Variants in PPP1R3A observed in about 807,000 individuals in gnomAD.
PPP1R3A encodes RG1.
A neutral mutation model predicts 41.7 loss-of-function variants in PPP1R3A; 29 were observed. The ratio of observed to expected loss-of-function variants is 0.70; its 90% CI spans 0.52 to 0.95. The LOEUF (loss-of-function observed/expected upper bound fraction) is 0.95, where lower values mean the gene tolerates loss of function less well. PPP1R3A is among the 40% of genes least tolerant of loss of function. The probability of loss-of-function intolerance (pLI) is 0.00; values close to 1 mark genes in which losing one functional copy is unlikely to be tolerated. For synonymous variants in PPP1R3A, 485 were observed against 453.4 expected, an observed-to-expected ratio of 1.07 and a Z score of -0.89; for missense variants, 1,352 against 1,292.4, an observed-to-expected ratio of 1.05 and a Z score of -0.71.
At chr7:113,918,126 T>C (rs1282676420) in intron 1 of PPP1R3A, 89 bp downstream of exon 1, 7 of 1,287,428 alleles carry the variant, frequency 5.4e-6, no homozygotes, top group African/African-American at 1.5e-5. Context: ...TATTTTTAAA[T>C]AGAGTCACTT....
chr7:113,918,777 G>A lies in PPP1R3A; in HGVS notation c.220C>T (p.Leu74Phe), dbSNP rs771948958. The A allele has an allele frequency of 1.2e-6, 2 of 1,613,812 alleles. No homozygotes were observed. The highest frequency in any genetic ancestry group is 1.7e-5 in the Admixed American group (1 of 59,958). Residue 74 changes from leucine to phenylalanine, a missense_variant, in exon 1 of 4, where the codon CTT becomes TTT. Leu to Phe is a conservative substitution (Grantham distance 22, BLOSUM62 0). Coordinates refer to ENST00000284601, the MANE Select transcript of PPP1R3A (RefSeq NM_002711.4). ...CAATCAAATTCTTTAACAGACACAA[G>A]ATTGAATCCAAAGGAATCAGCAAAT... is the stretch of plus-strand genomic sequence containing the variant. The part of the protein sequence containing the change: ...VSFADSFGFN[L>F]VSVKEFDCWE...
intron 1 of PPP1R3A, among the ~76,000 whole-genome samples, chr7:113,893,122 T>G (rs1266988549): frequency 2.6e-5 from 4 of 151,948 alleles, no homozygotes; most frequent in Admixed American, 2.6e-4. Flanking sequence ...CCACTACCCA[T>G]CAACCCCTTC....
In PPP1R3A at chr7:113,918,372, T is replaced by C. The variant is rs146968684; in HGVS notation, c.625A>G (p.Ile209Val). The C allele has an allele frequency of 5.6e-6, 9 of 1,613,374 alleles. No individual in the cohort carries two copies. The African/African-American group carries it at 1.1e-4, about 19-fold the overall frequency. Reference sequence around the variant, plus strand: ...GTACCAACAGAAGTTTCATAACGTATACAAAACTCAACTTTACTGCCATCT... The same window carrying C: ...GTACCAACAGAAGTTTCATAACGTACACAAAACTCAACTTTACTGCCATCT... ...QKDGSKVEFCIRYETSVGTFW... is the reference protein window; with the variant it reads ...QKDGSKVEFCVRYETSVGTFW... Residue 209 changes from isoleucine to valine, a missense_variant, in exon 1 of 4, where the codon ATA (isoleucine) becomes GTA (valine). Coordinates refer to ENST00000284601, the MANE Select transcript of PPP1R3A (RefSeq NM_002711.4).
chr7:113,887,964 G>A (rs1456006813), intron 1 of PPP1R3A, among the ~76,000 whole-genome samples: 1 of 152,070 alleles, frequency 6.6e-6, no homozygotes, highest in Admixed American at 6.6e-5. Context: ...GGAGGAGGAG[G>A]TTGCAGTGAG....
chr7:113,908,160 C>T (rs1797175522), intron 1 of PPP1R3A, among the ~76,000 whole-genome samples: 1 of 151,676 alleles, frequency 6.6e-6, no homozygotes, highest in African/African-American at 2.4e-5. Context: ...CACATAATTG[C>T]CAATGTCTAA....
intron 1 of PPP1R3A, among the ~76,000 whole-genome samples, chr7:113,916,474 G>C (rs1201801472): frequency 6.6e-6 from 1 of 152,040 alleles, no homozygotes; most frequent in Non-Finnish European, 1.5e-5. Flanking sequence ...CTTGGTATCA[G>C]TCAAGTTTGG....
intron 1 of PPP1R3A, among the ~76,000 whole-genome samples, chr7:113,909,688 T>G (rs1007360925): frequency 1.3e-5 from 2 of 152,066 alleles, no homozygotes; most frequent in African/African-American, 2.4e-5. Context: ...AAAACAAAGT[T>G]ATTGAGGTTA....
At chr7:113,895,445 T>C (rs1415832698) in intron 1 of PPP1R3A, among the ~76,000 whole-genome samples, 1 of 151,984 alleles carries the variant, frequency 6.6e-6, no homozygotes, top group Non-Finnish European at 1.5e-5. Context: ...GAATATCTTA[T>C]TTAAATATTA....
In PPP1R3A at chr7:113,879,069, G is replaced by A. The variant is rs761994005; in HGVS notation, c.2023C>T (p.His675Tyr). 1.2e-6 allele frequency: 2 copies of A among 1,613,606 alleles called. No homozygotes were observed. Among genetic ancestry groups the A allele is most frequent in the Non-Finnish European group, 8.5e-7 (1 of 1,179,748 alleles). ...TCACAATCTGTTTGTCCTTTGATAT[G>A]CTCTGTTATGTTTGTCTTATTCTCT... ...SRENKTNITE[H>Y]IKGQTDCEDV... is the part of the protein sequence containing the mutation. Residue 675 changes from histidine (H) to tyrosine (Y), a missense_variant, in exon 4 of 4, where the codon CAT (histidine) becomes TAT (tyrosine). Coordinates refer to ENST00000284601, the MANE Select transcript of PPP1R3A (RefSeq NM_002711.4).
In PPP1R3A at chr7:113,880,013, TG is replaced by T; in HGVS notation, c.1078del (p.Gln360LysfsTer25). 2 of 1,612,616 alleles carry T rather than the reference TG, an allele frequency of 1.2e-6. No individual in the cohort carries two copies. Among genetic ancestry groups the T allele is most frequent in the Non-Finnish European group, 1.7e-6 (2 of 1,178,872 alleles). On this transcript the variant is annotated frameshift_variant, in exon 4 of 4. Transcript: ENST00000284601. LOFTEE classifies it low-confidence loss of function (END_TRUNC). ...PNKAEGLEKK[Q>X]IHGEICTDLF... ...GTCAGTACATATTTCACCATGGATT[TG>T]CTTCTTCTCTAACCCCTCTGCTTTA...
At position 113,918,790 on chromosome 7, in the gene PPP1R3A, G is replaced by T; in HGVS notation, c.207C>A (p.Ser69=). ...SGTRRVSFAD[S]FGFNLVSVKE... ...TAACAGACACAAGATTGAATCCAAAGGAATCAGCAAATGAAACTCTTCTAG... is the reference window on the plus strand; with the variant it reads ...TAACAGACACAAGATTGAATCCAAATGAATCAGCAAATGAAACTCTTCTAG... The change falls in exon 1 of 4, where the codon TCC becomes TCA. Residue 69 remains serine, a synonymous_variant. Transcript: ENST00000284601. The T allele has an allele frequency of 3.1e-6, 5 of 1,613,786 alleles. No homozygotes were observed. The highest frequency in any genetic ancestry group is 4.2e-6 in the Non-Finnish European group (5 of 1,179,830).
chr7:113,912,986 A>G (rs1182029972), intron 1 of PPP1R3A, among the ~76,000 whole-genome samples: 1 of 152,036 alleles, frequency 6.6e-6, no homozygotes, highest in East Asian at 1.9e-4. Context: ...AAACCAGGAA[A>G]CCATGAAGCC....
At chr7:113,896,509 T>C (rs1007768725) in intron 1 of PPP1R3A, among the ~76,000 whole-genome samples, 2 of 151,858 alleles carry the variant, frequency 1.3e-5, no homozygotes, top group African/African-American at 4.8e-5. Context: ...AATGTGAAAT[T>C]GGTTTTTGGC....
chr7:113,877,621 A>T lies in PPP1R3A; in HGVS notation c.*102T>A. Reference sequence around the variant, plus strand: ...CCCTTTTTAAATGATCCTTCAAGAGAAAAACTGCACTGGATCTTTGAACAA... The same window carrying T: ...CCCTTTTTAAATGATCCTTCAAGAGTAAAACTGCACTGGATCTTTGAACAA... On this transcript the variant is annotated 3_prime_UTR_variant, in exon 4 of 4. Coordinates refer to ENST00000284601, the MANE Select transcript of PPP1R3A (RefSeq NM_002711.4). 7.3e-7 allele frequency: 1 copy of T among 1,367,570 alleles called. No individual in the cohort carries two copies. The highest frequency in any genetic ancestry group is 1.6e-5 in the South Asian group (1 of 64,260). 84.7% of individuals were successfully genotyped at this position (1,367,570 alleles called of 1,614,324 possible).
rs1796642881 is a variant in PPP1R3A, at chr7:113,879,475, A to G, written c.1617T>C (p.His539=). 2 of 1,613,368 alleles carry G rather than the reference A, an allele frequency of 1.2e-6. No individual in the cohort carries two copies. Among genetic ancestry groups the G allele is most frequent in the East Asian group, 4.5e-5 (2 of 44,822 alleles). Residue 539 remains histidine (H), a synonymous_variant, in exon 4 of 4, where the codon CAT becomes CAC. Coordinates refer to ENST00000284601, the MANE Select transcript of PPP1R3A (RefSeq NM_002711.4). ...KQRKNFQTIL[H]DQERKMGNPK... ...GGTTACCCATCTTCCTTTCTTGGTC[A>G]TGTAAGATTGTTTGGAAATTTTTTC...
At chr7:113,881,905 G>A (rs1028483425) in intron 3 of PPP1R3A, 134 bp downstream of exon 3, 8 of 994,776 alleles carry the variant, frequency 8.0e-6, no homozygotes, top group Non-Finnish European at 1.2e-5. Flanking sequence ...AGCTAGAGAC[G>A]CAAGGACAGA....
chr7:113,884,031 G>T (rs1316821227), intron 1 of PPP1R3A, among the ~76,000 whole-genome samples: 2 of 151,852 alleles, frequency 1.3e-5, no homozygotes, highest in Non-Finnish European at 2.9e-5. Context: ...ACAAATAAAA[G>T]TAGAAATAAA....
chr7:113,894,741 C>A (rs991418515), intron 1 of PPP1R3A, among the ~76,000 whole-genome samples: 1 of 151,904 alleles, frequency 6.6e-6, no homozygotes, highest in Non-Finnish European at 1.5e-5. Context: ...TAACTAATTC[C>A]ATTTCAACAA....
chr7:113,888,185 T>C (rs1023956348), intron 1 of PPP1R3A, among the ~76,000 whole-genome samples: 1 of 152,096 alleles, frequency 6.6e-6, no homozygotes, highest in Admixed American at 6.6e-5. Flanking sequence ...AAAATGAGGT[T>C]GAATTATTTA....
Sources: allele counts gnomAD v4.1 joint callset (sites outside exome capture counted in the v4.1 genomes callset), GRCh38; gene constraint gnomAD v4.1.1; transcripts MANE v1.5; gene names NCBI Gene and HGNC (gene_info 2026-07-23, HGNC 2026-07-21).